RELN: variants seen among roughly 807,000 people sequenced by gnomAD.
The protein encoded by RELN is reelin.
RELN carries 108 observed loss-of-function variants against 427.6 expected under a neutral mutation model. That is an observed-to-expected ratio of 0.25 (90% confidence interval 0.22 to 0.30). RELN has a LOEUF of 0.30. Among genes scored for constraint, RELN ranks in the 10% least tolerant of loss-of-function variants. The probability of loss-of-function intolerance (pLI) is 1.00; values close to 1 mark genes in which losing one functional copy is unlikely to be tolerated. For synonymous variants in RELN, 1,524 were observed against 1,513.4 expected (o/e 1.01, Z -0.16); for missense variants, 3,715 against 4,302.8 (o/e 0.86, Z 3.82).
At chr7:103,903,635 T>C (rs1401153984) in intron 2 of RELN, among the ~76,000 whole-genome samples, 1 of 152,094 alleles carries the variant, frequency 6.6e-6, no homozygotes, top group Non-Finnish European at 1.5e-5. Context: ...TGCTCGAAAA[T>C]GTACATTTCC....
At chr7:103,707,262 C>T (rs918931381) in intron 8 of RELN, among the ~76,000 whole-genome samples, 1 of 151,918 alleles carries the variant, frequency 6.6e-6, no homozygotes, top group African/African-American at 2.4e-5. Flanking sequence ...CAAAGATTAA[C>T]CTTCTAAAGA....
intron 3 of RELN, among the ~76,000 whole-genome samples, chr7:103,827,122 C>A (rs575048756): frequency 2.6e-5 from 4 of 151,394 alleles, no homozygotes; most frequent in Non-Finnish European, 5.9e-5. Context: ...CTATTTGCTG[C>A]GGCATAAAAT....
At chr7:103,895,943 C>G (rs749448752) in intron 2 of RELN, among the ~76,000 whole-genome samples, 15 of 152,042 alleles carry the variant, frequency 9.9e-5, no homozygotes, top group Non-Finnish European at 2.2e-4. Context: ...AAACATACAT[C>G]TGATAGAGGA....
intron 6 of RELN, among the ~76,000 whole-genome samples, chr7:103,738,181 T>C (rs1584450137): frequency 6.6e-6 from 1 of 151,048 alleles, no homozygotes; most frequent in Non-Finnish European, 1.5e-5. Flanking sequence ...AGCCTGGTGA[T>C]ATTAGAGCTC....
At chr7:103,865,152 AAAAG>A (rs1443175070) in intron 2 of RELN, among the ~76,000 whole-genome samples, 10 of 149,276 alleles carry the variant, frequency 6.7e-5, no homozygotes, top group South Asian at 2.1e-4. Context: ...AAAAAAAAAA[AAAAG>A]AAAGAAAGAA....
At chr7:103,486,617 A>G (rs1828450196) in intron 60 of RELN, among the ~76,000 whole-genome samples, 1 of 152,182 alleles carries the variant, frequency 6.6e-6, no homozygotes, top group African/African-American at 2.4e-5. Context: ...ACACTTCTCA[A>G]AAGAAGATAT....
chr7:103,680,670 G>T (rs886313059), intron 11 of RELN, among the ~76,000 whole-genome samples: 1 of 151,830 alleles, frequency 6.6e-6, no homozygotes, highest in African/African-American at 2.4e-5. Context: ...AGCTAGAAGG[G>T]ACCAGAAACC....
rs1830656140 is a variant in RELN at position 103,562,016 on chromosome 7, G to C, written c.5211-63C>G. The C allele has an allele frequency of 6.4e-6, 10 of 1,557,332 alleles. No homozygotes were observed. The East Asian group carries it at 2.4e-4, about 37-fold the overall frequency. Reference sequence around the variant, plus strand: ...TTGACAAGCAACCTTGAAAGCACAAGGACATTTATTTTAATTCCCTTTTCT... The same window carrying C: ...TTGACAAGCAACCTTGAAAGCACAACGACATTTATTTTAATTCCCTTTTCT... On this transcript the variant is annotated intron_variant, in intron 34 of 64. Transcript: ENST00000428762.
chr7:103,725,169 T>A (rs928575901), intron 7 of RELN, among the ~76,000 whole-genome samples: 2 of 152,186 alleles, frequency 1.3e-5, no homozygotes, highest in African/African-American at 4.8e-5. Flanking sequence ...CATTCTGTAC[T>A]TTTTCTCTAA....
intron 2 of RELN, among the ~76,000 whole-genome samples, chr7:103,873,969 C>G (rs925195012): frequency 7.0e-6 from 1 of 142,728 alleles, no homozygotes; most frequent in Non-Finnish European, 1.5e-5. Context: ...AAAATACTGG[C>G]AAACCGAATC....
intron 3 of RELN, among the ~76,000 whole-genome samples, chr7:103,801,677 T>C (rs2116312757): frequency 6.6e-6 from 1 of 151,752 alleles, no homozygotes; most frequent in Admixed American, 6.6e-5. Context: ...CATATATACC[T>C]ATGTAACGAG....
intron 42 of RELN, 46 bp downstream of exon 42, chr7:103,545,078 A>G (rs1050576796): frequency 5.5e-6 from 8 of 1,461,498 alleles, no homozygotes; most frequent in African/African-American, 4.2e-5. Flanking sequence ...TGTTTAACAT[A>G]TAAGTTCTTT....
intron 4 of RELN, 116 bp downstream of exon 4, chr7:103,776,441 C>T: frequency 9.4e-7 from 1 of 1,059,840 alleles, no homozygotes; most frequent in Non-Finnish European, 1.5e-6. Flanking sequence ...TCAATACTTA[C>T]ATTTTTAAAG....
chr7:103,939,498 T>C (rs1796063649), intron 1 of RELN, among the ~76,000 whole-genome samples: 1 of 152,108 alleles, frequency 6.6e-6, no homozygotes. Context: ...CACGCACATA[T>C]GATGAAATGA....
At chr7:103,729,261 G>C (rs1379269802) in intron 6 of RELN, among the ~76,000 whole-genome samples, 1 of 152,128 alleles carries the variant, frequency 6.6e-6, no homozygotes, top group African/African-American at 2.4e-5. Context: ...CTTTGTTTAG[G>C]AGATTATTGT....
chr7:103,689,441 A>ATGTT (rs1833828948), intron 10 of RELN, among the ~76,000 whole-genome samples: 1 of 152,148 alleles, frequency 6.6e-6, no homozygotes, highest in Non-Finnish European at 1.5e-5. Context: ...AGCTGAGCAG[A>ATGTT]TATAAACATT....
chr7:103,537,751 C>A (rs1232753668), intron 45 of RELN, among the ~76,000 whole-genome samples: 1 of 152,178 alleles, frequency 6.6e-6, no homozygotes, highest in African/African-American at 2.4e-5. Flanking sequence ...CCTGTTGAGG[C>A]TGGTCTGCTC....
chr7:103,920,134 ACT>A (rs1795579988), intron 1 of RELN, among the ~76,000 whole-genome samples: 1 of 152,084 alleles, frequency 6.6e-6, no homozygotes, highest in Non-Finnish European at 1.5e-5. Context: ...GTTTTCTGAT[ACT>A]CTGATTCAGA....
At chr7:103,969,885 T>C (rs1248038945) in intron 1 of RELN, among the ~76,000 whole-genome samples, 2 of 152,290 alleles carry the variant, frequency 1.3e-5, no homozygotes, top group East Asian at 1.9e-4. Context: ...CGAAGTTGAG[T>C]ACCTTTAAAG....
Sources: gnomAD v4.1 joint callset for allele counts (sites outside exome capture counted in the v4.1 genomes callset) on GRCh38, gnomAD v4.1.1 for gene constraint, MANE v1.5 for transcripts, NCBI Gene and HGNC (gene_info 2026-07-23, HGNC 2026-07-21) for gene names.